STK32A: variants seen among roughly 807,000 people sequenced by gnomAD.
STK32A encodes serine/threonine-protein kinase 32A.
A neutral mutation model predicts 53.2 loss-of-function variants in STK32A; 41 were observed. That is an observed-to-expected ratio of 0.77 (90% confidence interval 0.60 to 1.00). The LOEUF (loss-of-function observed/expected upper bound fraction) is 1.00, where lower values mean the gene tolerates loss of function less well. Ranked by LOEUF, STK32A falls within the 50% of genes least tolerant of loss-of-function variation. The pLI, the probability that STK32A is intolerant of heterozygous loss-of-function variation, is 0.00. For synonymous variants in STK32A, 166 were observed against 162.8 expected, an observed-to-expected ratio of 1.02 and a Z score of -0.15; for missense variants, 458 against 485.8, an observed-to-expected ratio of 0.94 and a Z score of 0.54.
chr5:147,242,895 T>C (rs553487043), intron 2 of STK32A, among the ~76,000 whole-genome samples: 87 of 152,324 alleles, frequency 5.7e-4, no homozygotes, highest in Non-Finnish European at 1.2e-3. Context: ...TTGTATCTGA[T>C]TGCTGTGAAG....
At chr5:147,275,921 A>G (rs1278256048) in intron 2 of STK32A, among the ~76,000 whole-genome samples, 1 of 152,200 alleles carries the variant, frequency 6.6e-6, no homozygotes, top group Admixed American at 6.5e-5. Context: ...GGTTCACAAA[A>G]TGGATTAATA....
intron 7 of STK32A, among the ~76,000 whole-genome samples, chr5:147,356,058 C>T (rs1358661557): frequency 6.6e-6 from 1 of 151,946 alleles, no homozygotes; most frequent in South Asian, 2.1e-4. Context: ...TATTATTAAA[C>T]TCTCAACCCC....
intron 4 of STK32A, among the ~76,000 whole-genome samples, chr5:147,293,734 C>T (rs1355199354): frequency 1.3e-5 from 2 of 151,846 alleles, no homozygotes; most frequent in Admixed American, 1.3e-4. Context: ...ACTCTTCCCT[C>T]CTTTTTATAA....
At chr5:147,338,567 C>T (rs753500022) in intron 5 of STK32A, among the ~76,000 whole-genome samples, 1 of 152,044 alleles carries the variant, frequency 6.6e-6, no homozygotes, top group Non-Finnish European at 1.5e-5. Flanking sequence ...TTGGAGGGCT[C>T]AGAAGAAGAT....
chr5:147,353,797 C>T (rs1241024053), intron 7 of STK32A, among the ~76,000 whole-genome samples: 1 of 152,032 alleles, frequency 6.6e-6, no homozygotes, highest in Non-Finnish European at 1.5e-5. Flanking sequence ...AAAAAACCTA[C>T]TCATGCTTTA....
In STK32A at chr5:147,247,640, T is replaced by C. The variant is rs1262431125; in HGVS notation, c.52+7954T>C. The stretch of plus-strand genomic sequence containing the variant: ...TAAATATTTTACACTTTCCAAGTAA[T>C]ACAGTCTCTGTCACAACTACTCAAC... On this transcript the variant is annotated intron_variant, in intron 2 of 12. Coordinates refer to ENST00000397936, the MANE Select transcript of STK32A (RefSeq NM_001112724.2). Among the ~76,000 whole-genome samples the C allele has an allele frequency of 5.3e-5, 8 of 152,226 alleles. No individual in the cohort carries two copies. The East Asian group carries it at 1.5e-3, about 29-fold the overall frequency.
intron 6 of STK32A, among the ~76,000 whole-genome samples, chr5:147,345,278 A>T (rs189064116): frequency 8.5e-5 from 13 of 152,344 alleles, no homozygotes; most frequent in African/African-American, 3.1e-4. Context: ...TCAAAAGAAT[A>T]CTTAATTAGG....
chr5:147,322,309 G>A (rs996342312), intron 4 of STK32A, among the ~76,000 whole-genome samples: 3 of 152,168 alleles, frequency 2.0e-5, no homozygotes, highest in Non-Finnish European at 4.4e-5. Flanking sequence ...TTTCCAAGAC[G>A]TATTCTGTGT....
chr5:147,290,049 T>G (rs1342432106), intron 4 of STK32A, among the ~76,000 whole-genome samples: 2 of 152,220 alleles, frequency 1.3e-5, no homozygotes, highest in Admixed American at 1.3e-4. Context: ...AGTTTAATTA[T>G]GCATGTTGTA....
the STK32A span, chr5:147,397,547 T>A: frequency 9.1e-7 from 1 of 1,096,162 alleles, no homozygotes; most frequent in South Asian, 1.8e-5. Flanking sequence ...GACAAGACTG[T>A]CACTGAATTT....
intron 9 of STK32A, among the ~76,000 whole-genome samples, chr5:147,372,131 G>A (rs1216317049): frequency 1.3e-5 from 2 of 151,918 alleles, no homozygotes; most frequent in African/African-American, 4.8e-5. Context: ...AAATAAATGA[G>A]GTCCACAGCT....
At chr5:147,277,994 T>C (rs778578220) in intron 2 of STK32A, 130 bp from the exon 3 acceptor site, 11 of 725,490 alleles carry the variant, frequency 1.5e-5, no homozygotes, top group Non-Finnish European at 2.1e-5. Flanking sequence ...GATGATTAGA[T>C]TGGCATTTTA....
chr5:147,369,845 A>G (rs560795482), intron 8 of STK32A, among the ~76,000 whole-genome samples: 1 of 152,268 alleles, frequency 6.6e-6, no homozygotes, highest in Admixed American at 6.5e-5. Flanking sequence ...CTCATGAACA[A>G]GAATGATATA....
chr5:147,291,116 T>C (rs1752580456), intron 4 of STK32A, among the ~76,000 whole-genome samples: 1 of 152,164 alleles, frequency 6.6e-6, no homozygotes, highest in Non-Finnish European at 1.5e-5. Flanking sequence ...CATGTTTCTC[T>C]AAACCTAATA....
At chr5:147,340,649 T>C (rs1355499210) in intron 5 of STK32A, among the ~76,000 whole-genome samples, 3 of 152,240 alleles carry the variant, frequency 2.0e-5, no homozygotes, top group South Asian at 2.1e-4. Flanking sequence ...AGAAACTATA[T>C]AGTTAGAATC....
intron 2 of STK32A, among the ~76,000 whole-genome samples, chr5:147,263,578 G>A (rs187032362): frequency 1.0e-3 from 153 of 152,070 alleles, no homozygotes; most frequent in Non-Finnish European, 1.8e-3. Flanking sequence ...AATAGCTTTC[G>A]GAGAGCAAAA....
intron 4 of STK32A, among the ~76,000 whole-genome samples, chr5:147,309,744 G>A (rs1294964877): frequency 2.0e-5 from 3 of 152,080 alleles, no homozygotes; most frequent in Non-Finnish European, 2.9e-5. Context: ...TATATTACAT[G>A]TATAATTTCA....
At chr5:147,257,711 C>G (rs1025423247) in intron 2 of STK32A, among the ~76,000 whole-genome samples, 3 of 151,936 alleles carry the variant, frequency 2.0e-5, no homozygotes, top group African/African-American at 4.8e-5. Flanking sequence ...CAGGCTGGCT[C>G]GAGTTTTCCT....
intron 2 of STK32A, among the ~76,000 whole-genome samples, chr5:147,274,315 C>T (rs1755163056): frequency 6.6e-6 from 1 of 152,148 alleles, no homozygotes; most frequent in African/African-American, 2.4e-5. Context: ...GAGTGAGAAC[C>T]AGGCTCTGCC....
Sources: allele counts gnomAD v4.1 joint callset (sites outside exome capture counted in the v4.1 genomes callset), GRCh38; gene constraint gnomAD v4.1.1; transcripts MANE v1.5; gene names NCBI Gene and HGNC (gene_info 2026-07-23, HGNC 2026-07-21).